The following TRPM3 variants were observed in gnomAD, a reference collection of about 807,000 sequenced individuals.
TRPM3 encodes the protein transient receptor potential cation channel subfamily M member 3, also known as long transient receptor potential channel 3.
A neutral mutation model predicts 181.2 loss-of-function variants in TRPM3; 77 were observed. The ratio of observed to expected loss-of-function variants is 0.42; its 90% confidence interval spans 0.35 to 0.51. The LOEUF (loss-of-function observed/expected upper bound fraction) is 0.51, where lower values mean the gene tolerates loss of function less well. Among genes scored for constraint, TRPM3 ranks in the 20% least tolerant of loss-of-function variants. The pLI, the probability that TRPM3 is intolerant of heterozygous loss-of-function variation, is 0.01. For missense variants in TRPM3, 1,759 were observed against 2,196.7 expected (o/e 0.80, Z 3.98); for synonymous variants, 745 against 796.4 (o/e 0.94, Z 1.09).
At chr9:70,975,847 C>T (rs941925252) in intron 1 of TRPM3, among the ~76,000 whole-genome samples, 1 of 152,182 alleles carries the variant, frequency 6.6e-6, no homozygotes, top group Non-Finnish European at 1.5e-5. Context: ...GGCACATTAC[C>T]TAACTCCTCA....
At chr9:71,282,215 A>G (rs541015540) in intron 1 of TRPM3, among the ~76,000 whole-genome samples, 1 of 126,928 alleles carries the variant, frequency 7.9e-6, no homozygotes, top group Non-Finnish European at 1.6e-5. Context: ...AAAGAAAGAA[A>G]GGAAAGAAAG....
At chr9:70,770,723 T>C (rs1425705890) in intron 7 of TRPM3, among the ~76,000 whole-genome samples, 1 of 152,192 alleles carries the variant, frequency 6.6e-6, no homozygotes, top group Non-Finnish European at 1.5e-5. Context: ...TTTAGGTTGA[T>C]GTATTTGGGA....
intron 1 of TRPM3, among the ~76,000 whole-genome samples, chr9:70,919,433 C>A (rs942317139): frequency 8.5e-5 from 13 of 152,190 alleles, no homozygotes; most frequent in African/African-American, 2.9e-4. Flanking sequence ...ATATTTGTTA[C>A]CTTCTTGAAG....
At chr9:71,100,230 A>C (rs996630401) in intron 1 of TRPM3, among the ~76,000 whole-genome samples, 1 of 152,152 alleles carries the variant, frequency 6.6e-6, no homozygotes, top group Non-Finnish European at 1.5e-5. Context: ...AACTCAGGAA[A>C]ATTTTGTTAG....
intron 1 of TRPM3, among the ~76,000 whole-genome samples, chr9:70,905,498 A>G (rs911905722): frequency 3.9e-5 from 6 of 152,250 alleles, no homozygotes; most frequent in African/African-American, 1.4e-4. Context: ...AGTTGTAATT[A>G]TACAATTATA....
intron 19 of TRPM3, among the ~76,000 whole-genome samples, chr9:70,607,338 A>C (rs962997425): frequency 4.6e-5 from 7 of 152,212 alleles, no homozygotes; most frequent in African/African-American, 1.7e-4. Flanking sequence ...TGTACTGTTA[A>C]GCATGTCTGG....
intron 21 of TRPM3, among the ~76,000 whole-genome samples, chr9:70,593,473 C>T (rs2058475907): frequency 2.0e-5 from 3 of 152,172 alleles, no homozygotes; most frequent in African/African-American, 7.2e-5. Flanking sequence ...GGTTTGTGCT[C>T]ATGAGATTTA....
chr9:71,318,281 T>G (rs1164232485), intron 1 of TRPM3, among the ~76,000 whole-genome samples: 1 of 152,214 alleles, frequency 6.6e-6, no homozygotes, highest in African/African-American at 2.4e-5. Context: ...AATATAATCA[T>G]GTTCCATGAA....
intron 1 of TRPM3, among the ~76,000 whole-genome samples, chr9:71,167,995 T>C (rs1031717382): frequency 6.6e-6 from 1 of 152,166 alleles, no homozygotes; most frequent in Non-Finnish European, 1.5e-5. Flanking sequence ...AAGTGCACTA[T>C]GACATACCTC....
chr9:71,404,729 C>G (rs1235123584), intron 1 of TRPM3, among the ~76,000 whole-genome samples: 1 of 152,158 alleles, frequency 6.6e-6, no homozygotes, highest in Non-Finnish European at 1.5e-5. Context: ...GAGAATAAAG[C>G]CTGGACTTCA....
chr9:70,672,967 C>T (rs1047426483), intron 9 of TRPM3, among the ~76,000 whole-genome samples: 1 of 152,120 alleles, frequency 6.6e-6, no homozygotes, highest in African/African-American at 2.4e-5. Context: ...CAGGTGCAAA[C>T]ACCTGTGCAC....
chr9:70,920,664 A>G (rs2096644886), intron 1 of TRPM3, among the ~76,000 whole-genome samples: 1 of 152,190 alleles, frequency 6.6e-6, no homozygotes, highest in South Asian at 2.1e-4. Context: ...GAATAATGAA[A>G]CATCTATACT....
At chr9:71,236,770 G>C (rs1436565942) in intron 1 of TRPM3, among the ~76,000 whole-genome samples, 1 of 152,142 alleles carries the variant, frequency 6.6e-6, no homozygotes, top group African/African-American at 2.4e-5. Flanking sequence ...AAACAAGCTG[G>C]GTGCAGTGGC....
At chr9:70,827,675 T>G (rs1284149990) in intron 6 of TRPM3, 172 bp downstream of exon 6, 2 of 702,324 alleles carry the variant, frequency 2.8e-6, no homozygotes, top group Non-Finnish European at 4.5e-6. Context: ...ACGCCTCCAA[T>G]TGTTCTCCTC....
intron 1 of TRPM3, among the ~76,000 whole-genome samples, chr9:71,224,377 A>G (rs535778492): frequency 6.6e-6 from 1 of 152,212 alleles, no homozygotes; most frequent in Non-Finnish European, 1.5e-5. Flanking sequence ...TAAAGTGACC[A>G]CTGGATCGCA....
chr9:70,886,656 T>TTTTTTTTC (rs1589534939), intron 1 of TRPM3, among the ~76,000 whole-genome samples: 1 of 151,830 alleles, frequency 6.6e-6, no homozygotes. Flanking sequence ...GAGTCAACAC[T>TTTTTTTTC]TTTTTTTCTT....
At chr9:70,557,831 T>C (rs1042616754) in intron 22 of TRPM3, among the ~76,000 whole-genome samples, 4 of 152,178 alleles carry the variant, frequency 2.6e-5, no homozygotes, top group African/African-American at 4.8e-5. Flanking sequence ...AAGTGGCATG[T>C]TGTCACCTCC....
intron 8 of TRPM3, among the ~76,000 whole-genome samples, chr9:70,696,735 T>A (rs755307814): frequency 6.6e-6 from 1 of 152,204 alleles, no homozygotes; most frequent in African/African-American, 2.4e-5. Context: ...TGTAAACAGA[T>A]ACGAGATTAT....
At chr9:71,165,463 C>A (rs2076494650) in intron 1 of TRPM3, among the ~76,000 whole-genome samples, 1 of 152,118 alleles carries the variant, frequency 6.6e-6, no homozygotes, top group Admixed American at 6.6e-5. Flanking sequence ...CACATGCACA[C>A]ACACACTTCT....
Sources: gnomAD v4.1 joint callset for allele counts (sites outside exome capture counted in the v4.1 genomes callset) on GRCh38, gnomAD v4.1.1 for gene constraint, MANE v1.5 for transcripts, NCBI Gene and HGNC (gene_info 2026-07-23, HGNC 2026-07-21) for gene names.